EYS: variants seen among roughly 807,000 people sequenced by gnomAD.
EYS encodes EGF-like photoreceptor maintenance factor.
In EYS, 250 loss-of-function variants were observed where a neutral mutation model predicts 282.1. The ratio of observed to expected loss-of-function variants is 0.89; its 90% CI spans 0.80 to 0.98. The LOEUF (loss-of-function observed/expected upper bound fraction) is 0.98, where lower values mean the gene tolerates loss of function less well. Ranked by LOEUF, EYS falls within the 50% of genes least tolerant of loss-of-function variation. The probability of loss-of-function intolerance (pLI) is 0.00; values close to 1 mark genes in which losing one functional copy is unlikely to be tolerated. For missense variants in EYS, 4,016 were observed against 3,709.0 expected, an observed-to-expected ratio of 1.08 and a Z score of -2.15; for synonymous variants, 1,355 against 1,282.9, an observed-to-expected ratio of 1.06 and a Z score of -1.20.
intron 2 of EYS, among the ~76,000 whole-genome samples, chr6:65,507,191 A>G (rs891835590): frequency 1.3e-5 from 2 of 151,940 alleles, no homozygotes; most frequent in African/African-American, 4.8e-5. Flanking sequence ...TCATTTTACT[A>G]GGTATAGAAT....
At chr6:64,167,402 ACAC>A (rs913786310) in intron 31 of EYS, among the ~76,000 whole-genome samples, 3 of 152,222 alleles carry the variant, frequency 2.0e-5, no homozygotes, top group Admixed American at 6.5e-5. Flanking sequence ...ACTTTTCACA[ACAC>A]AAATATGACA....
intron 8 of EYS, among the ~76,000 whole-genome samples, chr6:65,375,132 A>C (rs1327680429): frequency 6.6e-6 from 1 of 152,068 alleles, no homozygotes; most frequent in African/African-American, 2.4e-5. Context: ...CGTATGGGAG[A>C]GCTCTGGCTG....
In EYS at chr6:65,464,813, C is replaced by G. The variant is rs188491712; in HGVS notation, c.862+25781G>C. ...AGAATCTGTAGATGTTCAACAAGAA[C>G]CAATGACTAGGTTGGAAACTTACCT... On this transcript the variant is annotated intron_variant, in intron 5 of 42. Coordinates refer to ENST00000503581, the MANE Select transcript of EYS (RefSeq NM_001142800.2). Among the ~76,000 whole-genome samples, 155 of 152,196 alleles carry G rather than the reference C, an allele frequency of 1.0e-3. 1 individual carries two copies. The highest frequency in any genetic ancestry group is 3.5e-3 in the African/African-American group (147 of 41,538).
intron 12 of EYS, among the ~76,000 whole-genome samples, chr6:65,250,007 G>A (rs1218865088): frequency 1.3e-5 from 2 of 151,954 alleles, no homozygotes; most frequent in African/African-American, 4.8e-5. Context: ...CATTGGGCCC[G>A]GATTTAACAA....
chr6:64,198,956 G>T (rs1014332391), intron 31 of EYS, among the ~76,000 whole-genome samples: 1 of 152,080 alleles, frequency 6.6e-6, no homozygotes, highest in Non-Finnish European at 1.5e-5. Context: ...GTGTAAAAGC[G>T]TTCCTATTTC....
chr6:64,996,062 T>C (rs1771252791), intron 14 of EYS, among the ~76,000 whole-genome samples: 2 of 152,180 alleles, frequency 1.3e-5, no homozygotes. Flanking sequence ...GTAATTACAT[T>C]ATGGATGTGT....
At chr6:64,479,054 T>C (rs1274295277) in intron 26 of EYS, among the ~76,000 whole-genome samples, 1 of 151,990 alleles carries the variant, frequency 6.6e-6, no homozygotes, top group Non-Finnish European at 1.5e-5. Flanking sequence ...TCACAATGTT[T>C]AACATTTTTC....
chr6:63,766,005 G>A (rs1250333043), intron 40 of EYS, among the ~76,000 whole-genome samples: 1 of 152,030 alleles, frequency 6.6e-6, no homozygotes, highest in Non-Finnish European at 1.5e-5. Flanking sequence ...GATCTGTTAT[G>A]TGTAGGATGA....
intron 15 of EYS, among the ~76,000 whole-genome samples, chr6:64,931,942 T>C (rs949045859): frequency 2.0e-5 from 3 of 152,122 alleles, no homozygotes; most frequent in African/African-American, 7.2e-5. Flanking sequence ...TATAACTTGA[T>C]AGAATCATTT....
At chr6:64,134,002 G>C (rs936414387) in intron 31 of EYS, among the ~76,000 whole-genome samples, 1 of 152,024 alleles carries the variant, frequency 6.6e-6, no homozygotes, top group Non-Finnish European at 1.5e-5. Context: ...TAGGAAGAGT[G>C]AATAGTTAGA....
At chr6:64,793,640 G>A (rs1204245224) in intron 22 of EYS, among the ~76,000 whole-genome samples, 1 of 152,048 alleles carries the variant, frequency 6.6e-6, no homozygotes, top group Non-Finnish European at 1.5e-5. Flanking sequence ...AAATTCAATG[G>A]CTTGAGTTTC....
chr6:64,566,177 A>T (rs1235645744), intron 26 of EYS, among the ~76,000 whole-genome samples: 4 of 152,148 alleles, frequency 2.6e-5, no homozygotes, highest in Admixed American at 2.6e-4. Context: ...TTATTCTCTG[A>T]TGAGATAGTG....
intron 37 of EYS, among the ~76,000 whole-genome samples, chr6:63,792,020 G>A (rs1242169561): frequency 6.6e-6 from 1 of 152,018 alleles, no homozygotes; most frequent in East Asian, 1.9e-4. Context: ...GAAGAGTTGA[G>A]GAAGAGAGAG....
chr6:65,087,127 G>T (rs1182100391), intron 12 of EYS, among the ~76,000 whole-genome samples: 1 of 151,976 alleles, frequency 6.6e-6, no homozygotes, highest in African/African-American at 2.4e-5. Flanking sequence ...AGCCATATGT[G>T]TTATTTTTTA....
intron 26 of EYS, among the ~76,000 whole-genome samples, chr6:64,582,334 T>C (rs919296391): frequency 4.6e-5 from 7 of 152,124 alleles, no homozygotes; most frequent in Non-Finnish European, 7.3e-5. Flanking sequence ...GGATCTAGGT[T>C]GCATGCTTCT....
At chr6:64,188,738 A>G (rs1256929180) in intron 31 of EYS, among the ~76,000 whole-genome samples, 1 of 152,130 alleles carries the variant, frequency 6.6e-6, no homozygotes, top group East Asian at 1.9e-4. Flanking sequence ...GACATATAGT[A>G]ATAACTTTAG....
chr6:64,671,410 C>A (rs1443165548), intron 22 of EYS, among the ~76,000 whole-genome samples: 2 of 152,162 alleles, frequency 1.3e-5, no homozygotes, highest in Non-Finnish European at 2.9e-5. Context: ...CCTCACCAGA[C>A]CCTGAGTCTG....
At chr6:64,434,727 T>C (rs1561992871) in intron 28 of EYS, among the ~76,000 whole-genome samples, 4 of 152,124 alleles carry the variant, frequency 2.6e-5, no homozygotes, top group African/African-American at 9.7e-5. Flanking sequence ...CTGAAAAGTA[T>C]AGATAATTAT....
chr6:65,588,539 C>T (rs1765130074), intron 2 of EYS, among the ~76,000 whole-genome samples: 1 of 150,558 alleles, frequency 6.6e-6, no homozygotes, highest in Non-Finnish European at 1.5e-5. Context: ...ATTTCTAAAC[C>T]TTCCCCCTGT....
Sources: allele counts gnomAD v4.1 joint callset (sites outside exome capture counted in the v4.1 genomes callset), GRCh38; gene constraint gnomAD v4.1.1; transcripts MANE v1.5; gene names NCBI Gene and HGNC (gene_info 2026-07-23, HGNC 2026-07-21).